The following GSTO2 variants were observed in gnomAD, a reference collection of about 807,000 sequenced individuals.
GSTO2 encodes glutathione S-transferase omega-2.
A neutral mutation model predicts 28.4 loss-of-function variants in GSTO2; 23 were observed. The ratio of observed to expected loss-of-function variants is 0.81; its 90% CI spans 0.58 to 1.15. GSTO2 has a LOEUF of 1.15. Ranked by LOEUF, GSTO2 falls within the 50% of genes most tolerant of loss-of-function variation. The pLI is 0.00. For synonymous variants in GSTO2, 109 were observed against 111.0 expected (o/e 0.98, Z 0.11); for missense variants, 298 against 297.8 (o/e 1.00, Z 0.00).
In GSTO2 at chr10:104,277,994, C is replaced by T. The variant is rs766202581; in HGVS notation, c.244C>T (p.Leu82=). The T allele has an allele frequency of 2.5e-6, 4 of 1,614,078 alleles. No homozygotes were observed. Among genetic ancestry groups the T allele is most frequent in the Non-Finnish European group, 3.4e-6 (4 of 1,179,932 alleles). Residue 82 remains leucine, a synonymous_variant, in exon 4 of 7, where the codon CTG becomes TTG. Coordinates refer to ENST00000338595, the MANE Select transcript of GSTO2 (RefSeq NM_183239.2). ...TGTCCTGGAGACCAGCCAATGTCAA[C>T]TGATCTATGAATCTGTTATTGCTTG... ...IPVLETSQCQ[L]IYESVIACEY... is the part of the protein sequence containing the mutation.
chr10:104,272,999 A>T (rs1302817825), intron 1 of GSTO2, among the ~76,000 whole-genome samples: 1 of 152,112 alleles, frequency 6.6e-6, no homozygotes, highest in Non-Finnish European at 1.5e-5. Context: ...TGATTTTGAG[A>T]TTTTGCAACC....
At chr10:104,292,241 G>C (rs2012810649) in intron 5 of GSTO2, among the ~76,000 whole-genome samples, 1 of 143,272 alleles carries the variant, frequency 7.0e-6, no homozygotes, top group African/African-American at 2.6e-5. Context: ...GGGTCTTGCT[G>C]TGTTTGTTGC....
chr10:104,294,105 G>C (rs2012915281), intron 5 of GSTO2, among the ~76,000 whole-genome samples: 1 of 152,164 alleles, frequency 6.6e-6, no homozygotes, highest in Non-Finnish European at 1.5e-5. Flanking sequence ...GCAGGACCCA[G>C]GACGTGATAT....
Position 104,304,779 on chromosome 10 carries a change from T to G in GSTO2, c.*5495T>G, listed in dbSNP as rs2013351899. On this transcript the variant is annotated 3_prime_UTR_variant, in exon 7 of 7. Coordinates refer to ENST00000338595, the MANE Select transcript of GSTO2 (RefSeq NM_183239.2). ...TCATGGTTTGGAGTTGTTTTCTGGT[T>G]GTTTCCTGTGTGCAGGTTTAATCTC... 1 of 152,238 alleles carries G rather than the reference T, an allele frequency of 6.6e-6. No homozygotes were observed. Among genetic ancestry groups the G allele is most frequent in the South Asian group, 2.1e-4 (1 of 4,828 alleles). The allele number at this position is 152,238 out of a possible 1,614,324, so 9.4% of individuals were successfully genotyped here.
chr10:104,278,246 T>A (rs1430983817), intron 4 of GSTO2, 130 bp downstream of exon 4: 2 of 694,730 alleles, frequency 2.9e-6, no homozygotes, highest in Admixed American at 2.4e-5. Flanking sequence ...CTCAGGAGAT[T>A]AGCTAGCATG....
At chr10:104,290,581 C>T (rs2012717581) in intron 5 of GSTO2, among the ~76,000 whole-genome samples, 1 of 151,928 alleles carries the variant, frequency 6.6e-6, no homozygotes, top group African/African-American at 2.4e-5. Flanking sequence ...GAATGAGATC[C>T]TGTCATTTGC....
chr10:104,301,091 C>CG lies in GSTO2; in HGVS notation c.*1808dup, dbSNP rs1227625918. The CG allele has an allele frequency of 6.6e-6, 1 of 152,250 alleles. No homozygotes were observed. The highest frequency in any genetic ancestry group is 1.5e-5 in the Non-Finnish European group (1 of 68,074). The allele number at this position is 152,250 out of a possible 1,614,324, so 9.4% of individuals were successfully genotyped here. On this transcript the variant is annotated 3_prime_UTR_variant, in exon 7 of 7. Coordinates refer to ENST00000338595, the MANE Select transcript of GSTO2 (RefSeq NM_183239.2). ...ATGCTGAGTGAGGTCTGTGAATCACCGTTTTCCTGGGATCTTTGCTCCAAG... is the reference window on the plus strand; with the variant it reads ...ATGCTGAGTGAGGTCTGTGAATCACCGGTTTTCCTGGGATCTTTGCTCCAAG...
chr10:104,281,068 C>G (rs1026609443), intron 5 of GSTO2, among the ~76,000 whole-genome samples: 1 of 152,174 alleles, frequency 6.6e-6, no homozygotes, highest in Non-Finnish European at 1.5e-5. Flanking sequence ...CTCTCTGGGC[C>G]TTGGTTTTCC....
chr10:104,277,543 C>T (rs1485771150), intron 3 of GSTO2, among the ~76,000 whole-genome samples: 2 of 152,154 alleles, frequency 1.3e-5, no homozygotes, highest in Non-Finnish European at 2.9e-5. Flanking sequence ...GCCCCAGCCT[C>T]CCAAAGTGCT....
At chr10:104,285,612 A>C (rs1180681012) in intron 5 of GSTO2, among the ~76,000 whole-genome samples, 1 of 151,854 alleles carries the variant, frequency 6.6e-6, no homozygotes, top group Admixed American at 6.6e-5. Flanking sequence ...ACCATGCCCA[A>C]CTGTTTTGTT....
intron 5 of GSTO2, among the ~76,000 whole-genome samples, chr10:104,290,004 A>G (rs2012680003): frequency 6.6e-6 from 1 of 152,190 alleles, no homozygotes; most frequent in Non-Finnish European, 1.5e-5. Context: ...TAGTATAACC[A>G]TTGTGGAGAA....
chr10:104,285,683 G>A (rs1387123269), intron 5 of GSTO2, among the ~76,000 whole-genome samples: 1 of 151,970 alleles, frequency 6.6e-6, no homozygotes, highest in Non-Finnish European at 1.5e-5. Context: ...GCTCAGGCTG[G>A]TCTTGAACTC....
intron 3 of GSTO2, among the ~76,000 whole-genome samples, chr10:104,275,630 C>G (rs76059733): frequency 7.0e-4 from 107 of 152,296 alleles, no homozygotes; most frequent in African/African-American, 2.5e-3. Context: ...ACAGCCAACA[C>G]TACTGAGGCC....
intron 5 of GSTO2, among the ~76,000 whole-genome samples, chr10:104,282,225 C>CAAAAAAAAAAAA (rs71022727): frequency 6.7e-5 from 6 of 88,936 alleles, no homozygotes; most frequent in East Asian, 4.4e-4. Flanking sequence ...GACTCTGTTT[C>CAAAAAAAAAAAA]AAAAAAAAAA....
intron 5 of GSTO2, chr10:104,296,199 C>T (rs942046519): frequency 6.6e-6 from 1 of 152,094 alleles, no homozygotes; most frequent in African/African-American, 2.4e-5. Context: ...ATCTGATTTA[C>T]AGTCCCTCCG....
intron 5 of GSTO2, among the ~76,000 whole-genome samples, chr10:104,290,679 A>G (rs1769128137): frequency 6.6e-6 from 1 of 152,166 alleles, no homozygotes; most frequent in African/African-American, 2.4e-5. Context: ...TTATTTGTGG[A>G]ATCTAAAAAT....
intron 5 of GSTO2, among the ~76,000 whole-genome samples, chr10:104,285,488 C>T (rs1426602805): frequency 6.6e-6 from 1 of 151,852 alleles, no homozygotes; most frequent in Non-Finnish European, 1.5e-5. Context: ...CGCACTCTGT[C>T]ACCCACATTG....
intron 3 of GSTO2, 148 bp downstream of exon 3, chr10:104,275,482 G>T (rs1197119266): frequency 3.0e-6 from 2 of 667,782 alleles, no homozygotes; most frequent in Non-Finnish European, 5.1e-6. Flanking sequence ...AGCAAAGGGC[G>T]AGCTTTTTTT....
rs1024535185 is a variant in GSTO2, at chr10:104,289,586, A to G, written c.469-7992A>G. ...GGTCCTCCCTCTAAGGCTCCTTCCCAGAGGAGAAAATGGTCTTAAATATGC... is the reference window on the plus strand; with the variant it reads ...GGTCCTCCCTCTAAGGCTCCTTCCCGGAGGAGAAAATGGTCTTAAATATGC... On this transcript the variant is annotated intron_variant, in intron 5 of 6. Transcript: ENST00000338595. Among the ~76,000 whole-genome samples, 7 of 152,276 alleles carry G rather than the reference A, an allele frequency of 4.6e-5. 1 individual carries two copies. The East Asian group carries it at 1.3e-3, about 29-fold the overall frequency.
Sources: allele counts gnomAD v4.1 joint callset (sites outside exome capture counted in the v4.1 genomes callset), GRCh38; gene constraint gnomAD v4.1.1; transcripts MANE v1.5; gene names NCBI Gene and HGNC (gene_info 2026-07-23, HGNC 2026-07-21).